Variants in N4BP2L2 observed in about 807,000 individuals in gnomAD.
The protein encoded by N4BP2L2 is NEDD4-binding protein 2-like 2.
A neutral mutation model predicts 56.2 loss-of-function variants in N4BP2L2; 50 were observed. The ratio of observed to expected loss-of-function variants is 0.89; its 90% CI spans 0.71 to 1.13. The LOEUF is 1.13. Among genes scored for constraint, N4BP2L2 ranks in the 50% most tolerant of loss-of-function variants. N4BP2L2 has a pLI of 0.00. For missense variants in N4BP2L2, 689 were observed against 693.8 expected (o/e 0.99, Z 0.08); for synonymous variants, 203 against 223.6 (o/e 0.91, Z 0.82).
At chr13:32,524,106 G>A (rs2051912902) in intron 3 of N4BP2L2, 1 of 152,180 alleles carries the variant, frequency 6.6e-6, no homozygotes, top group South Asian at 2.1e-4. Context: ...AATCACTATG[G>A]GGAAATACAT....
chr13:32,538,663 T>G, exon 1 of N4BP2L2: 1 of 985,376 alleles, frequency 1.0e-6, no homozygotes, highest in African/African-American at 1.7e-5. Flanking sequence ...AATAAAACCT[T>G]CTTTTAGGAA....
intron 6 of N4BP2L2, chr13:32,446,363 T>C (rs1220820459): frequency 7.3e-7 from 1 of 1,365,538 alleles, no homozygotes; most frequent in Non-Finnish European, 9.8e-7. Context: ...TTCTACCTGA[T>C]TCCAGTGAAA....
In N4BP2L2 at chr13:32,456,854, T is replaced by G. The variant is rs192345830; in HGVS notation, c.366-12728A>C. ...GACAAAGTTAAAAAATAAATATATA[T>G]GCTGGGTGTGGTGGCTCATGCCCAC... On this transcript the variant is annotated intron_variant, in intron 6 of 9. Transcript: ENST00000357505. Among the ~76,000 whole-genome samples, 404 of 152,244 alleles carry G rather than the reference T, an allele frequency of 2.7e-3. 2 individuals carry two copies. Among genetic ancestry groups the G allele is most frequent in the African/African-American group, 9.4e-3 (390 of 41,560 alleles).
intron 6 of N4BP2L2, among the ~76,000 whole-genome samples, chr13:32,487,470 A>G (rs2086132908): frequency 6.9e-6 from 1 of 143,934 alleles, no homozygotes; most frequent in Non-Finnish European, 1.5e-5. Context: ...CCCTGTCTTA[A>G]AAAAAAAAAA....
At chr13:32,479,813 A>G (rs544948515) in intron 6 of N4BP2L2, among the ~76,000 whole-genome samples, 3 of 152,216 alleles carry the variant, frequency 2.0e-5, no homozygotes, top group African/African-American at 7.2e-5. Flanking sequence ...GAAGATTAAG[A>G]GACAGAAGGG....
At chr13:32,443,480 C>T in exon 7 of N4BP2L2, 1 of 1,613,010 alleles carries the variant, frequency 6.2e-7, no homozygotes, top group Non-Finnish European at 8.5e-7. Context: ...TACACTTGTT[C>T]CTCTCTTAAA....
chr13:32,527,575 A>AT, intron 2 of N4BP2L2, 43 bp from the exon 3 acceptor site: 1 of 1,595,592 alleles, frequency 6.3e-7, no homozygotes, highest in Non-Finnish European at 8.5e-7. Flanking sequence ...TACAAAATCT[A>AT]TAACCATCAG....
At chr13:32,518,247 G>C (rs1016720555) in intron 5 of N4BP2L2, among the ~76,000 whole-genome samples, 5 of 151,974 alleles carry the variant, frequency 3.3e-5, no homozygotes, top group Non-Finnish European at 5.9e-5. Flanking sequence ...TTTTCACATA[G>C]AACTACCTAT....
At chr13:32,450,716 T>C (rs1378837421) in intron 6 of N4BP2L2, among the ~76,000 whole-genome samples, 1 of 136,096 alleles carries the variant, frequency 7.3e-6, no homozygotes, top group Non-Finnish European at 1.5e-5. Flanking sequence ...CTGCAGCCTC[T>C]ACCTCCAGGG....
intron 3 of N4BP2L2, chr13:32,523,729 T>G (rs1262374324): frequency 1.4e-5 from 2 of 147,734 alleles, no homozygotes; most frequent in African/African-American, 5.0e-5. Context: ...AAACCAAACA[T>G]CATATGTTCT....
intron 6 of N4BP2L2, among the ~76,000 whole-genome samples, chr13:32,503,397 A>G (rs1315275310): frequency 1.3e-5 from 2 of 152,156 alleles, no homozygotes; most frequent in Non-Finnish European, 2.9e-5. Flanking sequence ...ATAAAAACAC[A>G]GTCCCTGCAT....
intron 6 of N4BP2L2, chr13:32,477,530 A>C (rs1406217356): frequency 4.6e-6 from 1 of 219,306 alleles, no homozygotes; most frequent in Non-Finnish European, 9.3e-6. Context: ...AATACAAAGA[A>C]CTGAGAGTTC....
intron 6 of N4BP2L2, chr13:32,478,018 C>A (rs1219979582): frequency 1.6e-6 from 2 of 1,289,336 alleles, no homozygotes; most frequent in South Asian, 2.5e-5. Flanking sequence ...CATCTTGTAC[C>A]AGAACCTCAT....
chr13:32,433,440 G>A (rs1391374920), intron 9 of N4BP2L2, among the ~76,000 whole-genome samples: 1 of 151,792 alleles, frequency 6.6e-6, no homozygotes, highest in Non-Finnish European at 1.5e-5. Flanking sequence ...AGACCAGCCT[G>A]GCCAACATGG....
intron 6 of N4BP2L2, among the ~76,000 whole-genome samples, chr13:32,485,898 G>A (rs2085741758): frequency 6.6e-6 from 1 of 152,092 alleles, no homozygotes; most frequent in African/African-American, 2.4e-5. Flanking sequence ...GTGAGACCTT[G>A]TCTCTACAAA....
chr13:32,475,745 A>G (rs574199964), intron 6 of N4BP2L2, among the ~76,000 whole-genome samples: 2 of 152,342 alleles, frequency 1.3e-5, no homozygotes, highest in South Asian at 4.1e-4. Context: ...CTTTTCATTA[A>G]AAAGGAAAGC....
intron 6 of N4BP2L2, among the ~76,000 whole-genome samples, chr13:32,467,457 G>C (rs2081433849): frequency 6.6e-6 from 1 of 151,396 alleles, no homozygotes; most frequent in Non-Finnish European, 1.5e-5. Flanking sequence ...GTATTTAGTA[G>C]AGTATTTTTA....
intron 6 of N4BP2L2, chr13:32,444,245 G>A: frequency 1.5e-6 from 1 of 676,722 alleles, no homozygotes; most frequent in East Asian, 3.2e-5. Flanking sequence ...AGACTCTCAA[G>A]TGTGCACGTA....
intron 2 of N4BP2L2, among the ~76,000 whole-genome samples, chr13:32,530,871 T>C (rs557938527): frequency 6.8e-6 from 1 of 147,460 alleles, no homozygotes; most frequent in South Asian, 2.1e-4. Context: ...GGTGATGGGA[T>C]GTCACTTCGG....
Sources: gnomAD v4.1 joint callset for allele counts (sites outside exome capture counted in the v4.1 genomes callset) on GRCh38, gnomAD v4.1.1 for gene constraint, MANE v1.5 for transcripts, NCBI Gene and HGNC (gene_info 2026-07-23, HGNC 2026-07-21) for gene names.